RC3H1: variants seen among roughly 807,000 people sequenced by gnomAD.
RC3H1 encodes the protein roquin-1.
A neutral mutation model predicts 138.2 loss-of-function variants in RC3H1; 50 were observed. That is an observed-to-expected ratio of 0.36 (90% CI 0.29 to 0.46). The LOEUF is 0.46. Ranked by LOEUF, RC3H1 falls within the 20% of genes least tolerant of loss-of-function variation. RC3H1 has a pLI of 1.00. For missense variants in RC3H1, 1,031 were observed against 1,388.1 expected (o/e 0.74, Z 4.09); for synonymous variants, 462 against 489.1 (o/e 0.94, Z 0.73).
In RC3H1 at chr1:173,951,989, C is replaced by G; in HGVS notation, c.2520G>C (p.Met840Ile). 6.2e-7 allele frequency: 1 copy of G among 1,602,308 alleles called. No homozygotes were observed. Among genetic ancestry groups the G allele is most frequent in the Non-Finnish European group, 8.5e-7 (1 of 1,175,604 alleles). The change falls in exon 14 of 20, where the codon ATG becomes ATC. Residue 840 changes from methionine to isoleucine, a missense_variant. Met to Ile is a conservative substitution (Grantham distance 10). Transcript: ENST00000367696. ...ATTGCTTAGCTATTACACATACCAT[C>G]ATTTCCACACTCCCTGCTGCCACAA... ...KDVVAAGSVEMMNVESKGMRD... is the reference protein window; with the variant it reads ...KDVVAAGSVEIMNVESKGMRD...
At chr1:173,999,685 A>C (rs1477399962) in intron 1 of RC3H1, among the ~76,000 whole-genome samples, 1 of 152,218 alleles carries the variant, frequency 6.6e-6, no homozygotes, top group Non-Finnish European at 1.5e-5. Context: ...TGTGTCAGTC[A>C]CTGTGCTAGG....
At chr1:173,976,566 T>C (rs1660595930) in intron 7 of RC3H1, among the ~76,000 whole-genome samples, 1 of 152,112 alleles carries the variant, frequency 6.6e-6, no homozygotes, top group South Asian at 2.1e-4. Flanking sequence ...TAAGTTTGGA[T>C]AGAGCAGTGG....
chr1:173,998,943 A>T (rs1420819808), intron 1 of RC3H1, among the ~76,000 whole-genome samples: 1 of 152,040 alleles, frequency 6.6e-6, no homozygotes, highest in African/African-American at 2.4e-5. Flanking sequence ...CAAAATAAAA[A>T]ATGAGCAGAG....
At chr1:174,021,938 G>C (rs1444044606) in intron 1 of RC3H1, among the ~76,000 whole-genome samples, 158 bp downstream of exon 1, 1 of 152,222 alleles carries the variant, frequency 6.6e-6, no homozygotes, top group African/African-American at 2.4e-5. Context: ...GCCGGCGGGG[G>C]CCCTGAGGAG....
At chr1:173,942,332 C>A (rs546441796) in intron 18 of RC3H1, among the ~76,000 whole-genome samples, 20 of 146,354 alleles carry the variant, frequency 1.4e-4, no homozygotes, top group Non-Finnish European at 3.0e-4. Context: ...ACTCGGGAGA[C>A]TGAGGCAGGA....
chr1:173,985,791 C>T (rs1661002825), intron 2 of RC3H1, among the ~76,000 whole-genome samples: 1 of 152,186 alleles, frequency 6.6e-6, no homozygotes, highest in African/African-American at 2.4e-5. Context: ...CATCTACCTT[C>T]CTCCCACTTC....
At chr1:173,950,847 CAT>C (rs1321775331) in intron 14 of RC3H1, among the ~76,000 whole-genome samples, 1 of 146,262 alleles carries the variant, frequency 6.8e-6, no homozygotes, top group Non-Finnish European at 1.5e-5. Flanking sequence ...AGTCTGGAAA[CAT>C]AGCAAGACCC....
At chr1:173,962,116 C>T (rs755086969) in intron 11 of RC3H1, 21 bp from the exon 12 acceptor site, 2 of 1,553,950 alleles carry the variant, frequency 1.3e-6, no homozygotes, top group Admixed American at 3.8e-5. Context: ...CAAAAGAGGA[C>T]CCAAAAGCAA....
chr1:173,961,640 GGTTATT>G, intron 12 of RC3H1, 79 bp downstream of exon 12: 1 of 1,237,870 alleles, frequency 8.1e-7, no homozygotes, highest in South Asian at 1.6e-5. Context: ...TTCATCAAAG[GGTTATT>G]GTCATTGCAT....
At chr1:174,006,430 A>G (rs1661654284) in intron 1 of RC3H1, among the ~76,000 whole-genome samples, 1 of 152,134 alleles carries the variant, frequency 6.6e-6, no homozygotes, top group Non-Finnish European at 1.5e-5. Context: ...CATAGATATT[A>G]TTACCTCTAC....
chr1:173,958,634 T>C (rs1659742925), intron 13 of RC3H1, among the ~76,000 whole-genome samples: 1 of 152,038 alleles, frequency 6.6e-6, no homozygotes, highest in Non-Finnish European at 1.5e-5. Context: ...ATTACCAATA[T>C]AGAAATAGAA....
At chr1:173,954,967 C>T (rs1659568124) in intron 13 of RC3H1, among the ~76,000 whole-genome samples, 1 of 151,856 alleles carries the variant, frequency 6.6e-6, no homozygotes, top group South Asian at 2.1e-4. Context: ...TGGCTCACAC[C>T]TATAATCCCA....
Position 173,937,820 on chromosome 1 carries a change from T to G in RC3H1, c.*901A>C, listed in dbSNP as rs1658668665. 6.6e-6 allele frequency: 1 copy of G among 152,242 alleles called. No individual in the cohort carries two copies. Among genetic ancestry groups the G allele is most frequent in the South Asian group, 2.1e-4 (1 of 4,834 alleles). 9.4% of individuals were successfully genotyped at this position (152,242 alleles called of 1,614,324 possible). On this transcript the variant is annotated 3_prime_UTR_variant, in exon 20 of 20. Coordinates refer to ENST00000367696, the MANE Select transcript of RC3H1 (RefSeq NM_172071.4). ...TCCTATGATGTCAGCAAAAGTTTAA[T>G]TTGAAAAGCACTGCTTCAAATTTCC... is the stretch of plus-strand genomic sequence containing the variant.
Position 173,943,500 on chromosome 1 carries a change from C to T in RC3H1, c.3077G>A (p.Ser1026Asn). The T allele has an allele frequency of 1.2e-6, 2 of 1,614,044 alleles. No individual in the cohort carries two copies. The highest frequency in any genetic ancestry group is 1.7e-6 in the Non-Finnish European group (2 of 1,179,958). Reference sequence around the variant, plus strand: ...CCTTTCCACCTGGTGCAGTTCCAAGCTCAACTGCTCACTTGAGATCATCCC... The same window carrying T: ...CCTTTCCACCTGGTGCAGTTCCAAGTTCAACTGCTCACTTGAGATCATCCC... The part of the protein sequence containing the change: ...WPGMISSEQL[S>N]LELHQVEREI... Residue 1026 changes from serine (S) to asparagine (N), a missense_variant, in exon 18 of 20, where the codon AGC (serine) becomes AAC (asparagine). By Grantham distance (46) the Ser-to-Asn change is conservative (BLOSUM62 1). Coordinates refer to ENST00000367696, the MANE Select transcript of RC3H1 (RefSeq NM_172071.4).
At chr1:174,001,662 G>T (rs570454971) in intron 1 of RC3H1, among the ~76,000 whole-genome samples, 1 of 152,034 alleles carries the variant, frequency 6.6e-6, no homozygotes, top group African/African-American at 2.4e-5. Context: ...CAAACTCCTG[G>T]TCTCAAGTGA....
At chr1:173,941,751 G>T (rs1329725705) in intron 18 of RC3H1, among the ~76,000 whole-genome samples, 1 of 152,166 alleles carries the variant, frequency 6.6e-6, no homozygotes, top group Non-Finnish European at 1.5e-5. Context: ...GGCCAACATG[G>T]CGAAACCCCG....
chr1:173,946,596 A>G lies in RC3H1; in HGVS notation c.2841T>C (p.Ser947=), dbSNP rs1419167528. 1 of 1,613,922 alleles carries G rather than the reference A, an allele frequency of 6.2e-7. No homozygotes were observed. The highest frequency in any genetic ancestry group is 1.3e-5 in the African/African-American group (1 of 74,930). ...TTCCATGACTGGCCACTTCTGACAT[A>G]GATATTCTCTCCCTTTGGTTAGAAA... The part of the protein sequence containing the change: ...QGHFSERERI[S]MSEVASHGKP... Residue 947 remains serine (S), a synonymous_variant, in exon 17 of 20, where the codon TCT becomes TCC. Transcript: ENST00000367696.
In RC3H1 at chr1:173,994,651, G is replaced by A. The variant is rs993866645; in HGVS notation, c.-150-1516C>T. ...CTGTCTCTACAAAAATTAGCCAGGC[G>A]TGGTGGCATGCACCTGTGGTCCCAG... On this transcript the variant is annotated intron_variant, in intron 1 of 19. Coordinates refer to ENST00000367696, the MANE Select transcript of RC3H1 (RefSeq NM_172071.4). Among the ~76,000 whole-genome samples, 7 of 151,484 alleles carry A rather than the reference G, an allele frequency of 4.6e-5. 1 individual carries two copies. Among genetic ancestry groups the A allele is most frequent in the African/African-American group, 1.5e-4 (6 of 41,180 alleles).
intron 1 of RC3H1, among the ~76,000 whole-genome samples, chr1:174,018,519 T>G (rs1416814802): frequency 1.3e-5 from 2 of 152,192 alleles, no homozygotes; most frequent in Admixed American, 1.3e-4. Flanking sequence ...AGAAACTCTG[T>G]AGTAAGAAAA....
Sources: gnomAD v4.1 joint callset for allele counts (sites outside exome capture counted in the v4.1 genomes callset) on GRCh38, gnomAD v4.1.1 for gene constraint, MANE v1.5 for transcripts, NCBI Gene and HGNC (gene_info 2026-07-23, HGNC 2026-07-21) for gene names.